XPO1: variants seen among roughly 807,000 people sequenced by gnomAD.
The protein encoded by XPO1 is exportin-1.
In XPO1, 5 loss-of-function variants were observed where a neutral mutation model predicts 133.3. The observed-to-expected ratio is 0.04, with a 90% CI of 0.02 to 0.08. The LOEUF (loss-of-function observed/expected upper bound fraction) is 0.08, where lower values mean the gene tolerates loss of function less well. Among genes scored for constraint, XPO1 ranks in the 10% least tolerant of loss-of-function variants. The pLI, the probability that XPO1 is intolerant of heterozygous loss-of-function variation, is 1.00. For synonymous variants in XPO1, 419 were observed against 408.2 expected (o/e 1.03, Z -0.32); for missense variants, 506 against 1,267.5 (o/e 0.40, Z 9.12).
chr2:61,481,365 G>C, intron 23 of XPO1, 84 bp from the exon 24 acceptor site: 1 of 992,704 alleles, frequency 1.0e-6, no homozygotes, highest in Non-Finnish European at 1.5e-6. Context: ...CTGGAGTACA[G>C]TGGCATGATC....
chr2:61,509,736 G>C (rs944944475), intron 4 of XPO1, among the ~76,000 whole-genome samples: 4 of 152,166 alleles, frequency 2.6e-5, no homozygotes, highest in Non-Finnish European at 5.9e-5. Flanking sequence ...CCAAAGTCTG[G>C]AACACTTCTC....
chr2:61,516,341 C>T (rs1269552026), intron 4 of XPO1, among the ~76,000 whole-genome samples: 4 of 151,814 alleles, frequency 2.6e-5, no homozygotes, highest in Non-Finnish European at 4.4e-5. Flanking sequence ...AAAAATCAAA[C>T]CTTGTAATTA....
chr2:61,534,909 A>C (rs1699296378), intron 1 of XPO1, among the ~76,000 whole-genome samples: 1 of 152,190 alleles, frequency 6.6e-6, no homozygotes, highest in Non-Finnish European at 1.5e-5. Flanking sequence ...ATATTTACTG[A>C]ATATATGATC....
intron 4 of XPO1, among the ~76,000 whole-genome samples, chr2:61,507,229 G>A (rs1325418393): frequency 1.0e-5 from 1 of 98,576 alleles, no homozygotes; most frequent in Admixed American, 1.3e-4. Flanking sequence ...GGGTGACAGC[G>A]GGAGACTCCA....
In XPO1 at chr2:61,478,198, A is replaced by C. The variant is rs1381155989; in HGVS notation, c.*622T>G. 8.6e-6 allele frequency: 2 copies of C among 233,462 alleles called. No individual in the cohort carries two copies. Among genetic ancestry groups the C allele is most frequent in the Non-Finnish European group, 1.7e-5 (2 of 117,948 alleles). 14.5% of individuals were successfully genotyped at this position (233,462 alleles called of 1,614,324 possible). On this transcript the variant is annotated 3_prime_UTR_variant, in exon 25 of 25. Coordinates refer to ENST00000401558, the MANE Select transcript of XPO1 (RefSeq NM_003400.4). ...CGACAAGCGACAGCACACACACACA[A>C]AAACAAAAAGAACTGTGTAAAAATA...
intron 2 of XPO1, among the ~76,000 whole-genome samples, chr2:61,530,315 G>A (rs527288562): frequency 2.1e-4 from 32 of 152,030 alleles, no homozygotes; most frequent in African/African-American, 7.2e-4. Context: ...TCTAGTATTT[G>A]CATTCTGATT....
chr2:61,507,243 CAAA>C (rs55737388), intron 4 of XPO1, among the ~76,000 whole-genome samples: 99 of 65,496 alleles, frequency 1.5e-3, no homozygotes, highest in African/African-American at 5.5e-3. Context: ...GACTCCATCT[CAAA>C]AAAAAAAAAA....
intron 2 of XPO1, among the ~76,000 whole-genome samples, chr2:61,528,733 T>TTATATATATA (rs10528074): frequency 1.2e-4 from 14 of 115,808 alleles, no homozygotes; most frequent in East Asian, 2.4e-4. Context: ...GACATTTTAT[T>TTATATATATA]TATATATATA....
chr2:61,493,115 G>A (rs1399848382), intron 12 of XPO1, 62 bp from the exon 13 acceptor site: 5 of 1,469,136 alleles, frequency 3.4e-6, no homozygotes, highest in Non-Finnish European at 4.5e-6. Context: ...CATTAGTGTA[G>A]AAGCTTAGTT....
At chr2:61,513,615 G>A (rs1039812956) in intron 4 of XPO1, among the ~76,000 whole-genome samples, 2 of 151,994 alleles carry the variant, frequency 1.3e-5, no homozygotes, top group Admixed American at 6.6e-5. Context: ...GTGAGCCACT[G>A]TGCCCAGCCA....
chr2:61,499,297 C>G (rs1697390056), intron 7 of XPO1, among the ~76,000 whole-genome samples: 1 of 152,162 alleles, frequency 6.6e-6, no homozygotes, highest in Non-Finnish European at 1.5e-5. Flanking sequence ...CCTGCAGTCA[C>G]AGCTATTTGG....
intron 4 of XPO1, among the ~76,000 whole-genome samples, chr2:61,519,952 T>G (rs965819041): frequency 1.3e-5 from 2 of 152,204 alleles, no homozygotes; most frequent in African/African-American, 4.8e-5. Flanking sequence ...GCACTCATTA[T>G]ATACACCTAA....
At chr2:61,516,571 C>T (rs1249515587) in intron 4 of XPO1, among the ~76,000 whole-genome samples, 12 of 151,602 alleles carry the variant, frequency 7.9e-5, no homozygotes, top group African/African-American at 2.7e-4. Context: ...TGCGCCACCA[C>T]GCCTGGCTAA....
intron 22 of XPO1, 165 bp from the exon 23 acceptor site, chr2:61,482,704 C>A: frequency 1.3e-6 from 1 of 782,838 alleles, no homozygotes; most frequent in Non-Finnish European, 1.9e-6. Flanking sequence ...CTCCTCGGTC[C>A]AAGCCATTCT....
intron 24 of XPO1, among the ~76,000 whole-genome samples, chr2:61,480,124 C>CA (rs1696268086): frequency 6.6e-6 from 1 of 152,064 alleles, no homozygotes; most frequent in South Asian, 2.1e-4. Flanking sequence ...CTCGGCCTCC[C>CA]AAAGTGCTGG....
At chr2:61,482,323 G>T in intron 23 of XPO1, 57 bp downstream of exon 23, 1 of 1,491,488 alleles carries the variant, frequency 6.7e-7, no homozygotes, top group Non-Finnish European at 9.0e-7. Flanking sequence ...GGGATTACAG[G>T]TGTGAGCCAC....
intron 4 of XPO1, among the ~76,000 whole-genome samples, chr2:61,519,424 G>A (rs1378491570): frequency 6.6e-6 from 1 of 151,846 alleles, no homozygotes; most frequent in East Asian, 1.9e-4. Context: ...TGTTAGCCAG[G>A]CAGTGGCTCA....
rs142941290 is a variant in XPO1, at chr2:61,498,883, T to C, written c.621A>G (p.Gln207=). Residue 207 remains glutamine, a synonymous_variant, in exon 8 of 25, where the codon CAA becomes CAG. Coordinates refer to ENST00000401558, the MANE Select transcript of XPO1 (RefSeq NM_003400.4). ...SMCNEFSQIF[Q]LCQFVMENSQ... The stretch of plus-strand genomic sequence containing the variant: ...CACTTACCATTACAAACTGACACAG[T>C]TGAAATATCTGTGAGAATTCATTGC... The C allele has an allele frequency of 1.5e-4, 237 of 1,599,336 alleles. 1 individual carries two copies. In the African/African-American group the frequency reaches 2.9e-3, roughly 20 times the overall value.
chr2:61,479,814 C>T (rs146797839), intron 24 of XPO1, among the ~76,000 whole-genome samples: 2,337 of 152,222 alleles, frequency 0.015, 52 homozygotes, highest in African/African-American at 0.052. Flanking sequence ...CCACCTGTCT[C>T]GGCCTCCCAA....
Sources: gnomAD v4.1 joint callset for allele counts (sites outside exome capture counted in the v4.1 genomes callset) on GRCh38, gnomAD v4.1.1 for gene constraint, MANE v1.5 for transcripts, NCBI Gene and HGNC (gene_info 2026-07-23, HGNC 2026-07-21) for gene names.